Variants in CDH4 observed in about 807,000 individuals in gnomAD.
The protein encoded by CDH4 is cadherin 4.
In CDH4, 33 loss-of-function variants were observed where a neutral mutation model predicts 86.0. The ratio of observed to expected loss-of-function variants is 0.38; its 90% CI spans 0.29 to 0.51. CDH4 has a LOEUF of 0.51. Ranked by LOEUF, CDH4 falls within the 20% of genes least tolerant of loss-of-function variation. The pLI is 0.86. For missense variants in CDH4, 1,114 were observed against 1,307.4 expected (o/e 0.85, Z 2.28); for synonymous variants, 555 against 549.4 (o/e 1.01, Z -0.14).
chr20:61,630,160 C>A (rs2145786701), intron 2 of CDH4, among the ~76,000 whole-genome samples: 1 of 152,318 alleles, frequency 6.6e-6, no homozygotes, highest in South Asian at 2.1e-4. Flanking sequence ...CCTCTTGGAC[C>A]TCAGCCACCA....
intron 2 of CDH4, among the ~76,000 whole-genome samples, chr20:61,561,222 T>C (rs2086214517): frequency 6.6e-6 from 1 of 152,214 alleles, no homozygotes; most frequent in African/African-American, 2.4e-5. Flanking sequence ...CCTCTGTTCA[T>C]GTCCTCTGCA....
At chr20:61,881,397 C>T (rs115926237) in intron 7 of CDH4, among the ~76,000 whole-genome samples, 1 of 152,194 alleles carries the variant, frequency 6.6e-6, no homozygotes, top group Non-Finnish European at 1.5e-5. Flanking sequence ...AGAGAGAAGC[C>T]GTGGCTGCGG....
chr20:61,366,089 G>A (rs943756273), intron 2 of CDH4, among the ~76,000 whole-genome samples: 5 of 152,216 alleles, frequency 3.3e-5, no homozygotes, highest in South Asian at 2.1e-4. Flanking sequence ...CCGGCCAGCC[G>A]CAGTCAGAAG....
intron 4 of CDH4, among the ~76,000 whole-genome samples, chr20:61,821,458 C>A (rs1981034336): frequency 6.8e-6 from 1 of 147,286 alleles, no homozygotes; most frequent in Admixed American, 6.7e-5. Flanking sequence ...GCCCAGATCC[C>A]ACTGCTCCAG....
chr20:61,469,745 G>A (rs2085491962), intron 2 of CDH4, among the ~76,000 whole-genome samples: 2 of 152,264 alleles, frequency 1.3e-5, no homozygotes, highest in Non-Finnish European at 1.5e-5. Context: ...TATATGGCAA[G>A]AGATAGGGAT....
At position 61,853,556 on chromosome 20, in the gene CDH4, G is replaced by A. The variant is rs374580951; in HGVS notation, c.877+658G>A. Reference sequence around the variant, plus strand: ...TTCATGTGTGGGGCCCTAGCTGAGCGTGTCATGTCTTGCATCTCTGCCGTC... The same window carrying A: ...TTCATGTGTGGGGCCCTAGCTGAGCATGTCATGTCTTGCATCTCTGCCGTC... On this transcript the variant is annotated intron_variant, in intron 6 of 15. Coordinates refer to ENST00000614565, the MANE Select transcript of CDH4 (RefSeq NM_001794.5). Among the ~76,000 whole-genome samples the A allele has an allele frequency of 7.2e-5, 11 of 152,154 alleles. No homozygotes were observed. In the East Asian group the frequency reaches 1.2e-3, roughly 16 times the overall value.
chr20:61,532,075 G>A (rs117442002), intron 2 of CDH4, among the ~76,000 whole-genome samples: 160 of 152,316 alleles, frequency 1.1e-3, no homozygotes, highest in East Asian at 1.9e-3. Context: ...GAGGAGGAGA[G>A]GCGGATAAAA....
chr20:61,491,302 G>T (rs900183215), intron 2 of CDH4, among the ~76,000 whole-genome samples: 1 of 152,178 alleles, frequency 6.6e-6, no homozygotes, highest in Non-Finnish European at 1.5e-5. Context: ...TACTTGGTTG[G>T]GCTGTAATCT....
At chr20:61,643,421 C>T (rs78928095) in intron 2 of CDH4, among the ~76,000 whole-genome samples, 10,908 of 152,208 alleles carry the variant, frequency 0.072, 522 homozygotes, top group African/African-American at 0.12. Context: ...ACCATAGCAC[C>T]GTGTAAGGTC....
In CDH4 at chr20:61,739,377, G is replaced by A. The variant is rs6061780; in HGVS notation, c.170-4186G>A. On this transcript the variant is annotated intron_variant, in intron 2 of 15. Transcript: ENST00000614565. ...CCTGACCAGGTGCCTGATGCTGTCCGGTCCCAGGACAGCAGCCCTGACCTC... is the reference window on the plus strand; with the variant it reads ...CCTGACCAGGTGCCTGATGCTGTCCAGTCCCAGGACAGCAGCCCTGACCTC... Among the ~76,000 whole-genome samples, 234 of 152,328 alleles carry A rather than the reference G, an allele frequency of 1.5e-3. 3 individuals carry two copies. Among genetic ancestry groups the A allele is most frequent in the African/African-American group, 5.2e-3 (217 of 41,584 alleles).
At chr20:61,385,658 G>T (rs923566711) in intron 2 of CDH4, among the ~76,000 whole-genome samples, 1 of 152,088 alleles carries the variant, frequency 6.6e-6, no homozygotes, top group Non-Finnish European at 1.5e-5. Context: ...GTTATCTTCT[G>T]TTGCTGTCCA....
intron 2 of CDH4, among the ~76,000 whole-genome samples, chr20:61,270,575 G>A (rs576211015): frequency 6.6e-5 from 10 of 152,248 alleles, no homozygotes; most frequent in African/African-American, 2.4e-4. Context: ...GCACAGACGT[G>A]TAAGATACTC....
intron 2 of CDH4, among the ~76,000 whole-genome samples, chr20:61,336,065 G>A (rs2084615408): frequency 6.6e-6 from 1 of 152,068 alleles, no homozygotes; most frequent in Non-Finnish European, 1.5e-5. Flanking sequence ...ATACTGTGGG[G>A]GAGAAGGTGC....
chr20:61,511,913 A>T (rs977932545), intron 2 of CDH4, among the ~76,000 whole-genome samples: 2 of 152,164 alleles, frequency 1.3e-5, no homozygotes, highest in African/African-American at 4.8e-5. Context: ...AAATTCTTAC[A>T]TTCCTGATAA....
chr20:61,643,207 G>A (rs536604875), intron 2 of CDH4, among the ~76,000 whole-genome samples: 1 of 152,194 alleles, frequency 6.6e-6, no homozygotes, highest in Non-Finnish European at 1.5e-5. Context: ...CACAGGGAGG[G>A]GGGGTGTAGA....
chr20:61,646,347 CCT>C (rs1402788632), intron 2 of CDH4, among the ~76,000 whole-genome samples: 3 of 152,186 alleles, frequency 2.0e-5, no homozygotes, highest in African/African-American at 4.8e-5. Flanking sequence ...GCTCAGCATC[CCT>C]GTTCAGAGCT....
At chr20:61,702,107 G>A (rs1294894512) in intron 2 of CDH4, among the ~76,000 whole-genome samples, 1 of 152,224 alleles carries the variant, frequency 6.6e-6, no homozygotes, top group Non-Finnish European at 1.5e-5. Flanking sequence ...CTTCTTCACT[G>A]CCATTTCCCG....
rs955406549 is a variant in CDH4, at chr20:61,501,636, G to T, written c.170-241927G>T. On this transcript the variant is annotated intron_variant, in intron 2 of 15. Coordinates refer to ENST00000614565, the MANE Select transcript of CDH4 (RefSeq NM_001794.5). The surrounding 1 kb of genome is among the most constrained non-coding windows in gnomAD (Gnocchi z 4.2). The stretch of plus-strand genomic sequence containing the variant: ...AACAGAGCTGTGGTGAGACTCAAAG[G>T]CCACACAGAAGCAGCGTGTTCCGGA... 6.6e-6 allele frequency among the ~76,000 whole-genome samples: 1 copy of T among 152,088 alleles called. No homozygotes were observed. The highest frequency in any genetic ancestry group is 2.4e-5 in the African/African-American group (1 of 41,406).
intron 9 of CDH4, among the ~76,000 whole-genome samples, chr20:61,918,579 A>G (rs976487289): frequency 6.6e-6 from 1 of 152,176 alleles, no homozygotes; most frequent in Admixed American, 6.5e-5. Flanking sequence ...GCCACGAGGC[A>G]TCTCACTCAG....
Sources: gnomAD v4.1 joint callset for allele counts (sites outside exome capture counted in the v4.1 genomes callset) on GRCh38, gnomAD v4.1.1 for gene constraint, Gnocchi (gnomAD v3.1) non-coding constraint, MANE v1.5 for transcripts, NCBI Gene and HGNC (gene_info 2026-07-23, HGNC 2026-07-21) for gene names.